Variants in WDFY4 observed in about 807,000 individuals in gnomAD.
WDFY4 encodes the protein WD repeat- and FYVE domain-containing protein 4.
A neutral mutation model predicts 351.9 loss-of-function variants in WDFY4; 169 were observed. The observed-to-expected ratio is 0.48, with a 90% CI of 0.42 to 0.55. The LOEUF is 0.55. Ranked by LOEUF, WDFY4 falls within the 20% of genes least tolerant of loss-of-function variation. The probability of loss-of-function intolerance (pLI) is 0.00; values close to 1 mark genes in which losing one functional copy is unlikely to be tolerated. For synonymous variants in WDFY4, 1,622 were observed against 1,574.6 expected (o/e 1.03, Z -0.71); for missense variants, 3,803 against 3,935.6 (o/e 0.97, Z 0.90).
chr10:48,862,806 C>A (rs1244891307), intron 39 of WDFY4, among the ~76,000 whole-genome samples: 1 of 152,184 alleles, frequency 6.6e-6, no homozygotes, highest in Admixed American at 6.5e-5. Flanking sequence ...GCCACCATCA[C>A]TGTAATCAAT....
intron 40 of WDFY4, 113 bp from the exon 41 acceptor site, chr10:48,873,378 C>G: frequency 8.2e-7 from 1 of 1,220,660 alleles, no homozygotes; most frequent in Non-Finnish European, 1.1e-6. Context: ...GAGAAGGTAT[C>G]TTTCTCAAAC....
At chr10:48,888,307 T>G (rs1015984573) in intron 43 of WDFY4, among the ~76,000 whole-genome samples, 2 of 134,266 alleles carry the variant, frequency 1.5e-5, no homozygotes, top group African/African-American at 2.8e-5. Flanking sequence ...TTTCCTTCCT[T>G]CCTTCCTTTC....
intron 38 of WDFY4, among the ~76,000 whole-genome samples, chr10:48,831,638 C>T (rs1741193395): frequency 6.6e-6 from 1 of 152,184 alleles, no homozygotes; most frequent in Admixed American, 6.5e-5. Flanking sequence ...ATTTATGCTG[C>T]TATAACAAAA....
intron 38 of WDFY4, 94 bp downstream of exon 38, chr10:48,830,979 A>AGGT: frequency 8.0e-7 from 1 of 1,249,998 alleles, no homozygotes; most frequent in Non-Finnish European, 1.1e-6. Flanking sequence ...AGCCTTTTCC[A>AGGT]CCTGGACCCT....
chr10:48,979,345 T>C (rs958547017), intron 60 of WDFY4, among the ~76,000 whole-genome samples: 1 of 152,190 alleles, frequency 6.6e-6, no homozygotes, highest in Non-Finnish European at 1.5e-5. Context: ...CTCCCTCCCA[T>C]ATCTGCTTCC....
chr10:48,923,760 G>A (rs1230231115), intron 47 of WDFY4, among the ~76,000 whole-genome samples: 1 of 151,960 alleles, frequency 6.6e-6, no homozygotes, highest in Non-Finnish European at 1.5e-5. Flanking sequence ...CACTGATTCT[G>A]GCCACCAGAT....
intron 51 of WDFY4, among the ~76,000 whole-genome samples, chr10:48,951,692 A>G (rs1366400951): frequency 1.3e-5 from 2 of 152,232 alleles, no homozygotes; most frequent in Non-Finnish European, 2.9e-5. Flanking sequence ...AAAATGTTAT[A>G]GTTCTTAGGA....
At chr10:48,977,514 G>A (rs995393339) in intron 59 of WDFY4, among the ~76,000 whole-genome samples, 6 of 152,078 alleles carry the variant, frequency 3.9e-5, no homozygotes, top group African/African-American at 1.4e-4. Flanking sequence ...TGCAGGCTGA[G>A]GTACCTAGGC....
chr10:48,923,595 T>C (rs1228967089), intron 47 of WDFY4, among the ~76,000 whole-genome samples: 2 of 151,472 alleles, frequency 1.3e-5, no homozygotes, highest in African/African-American at 4.9e-5. Flanking sequence ...TTCATTTATC[T>C]ATGGTCATTA....
In WDFY4 at chr10:48,955,717, C is replaced by A. The variant is rs145884953; in HGVS notation, c.7978-1412C>A. Among the ~76,000 whole-genome samples, 25 of 152,348 alleles carry A rather than the reference C, an allele frequency of 1.6e-4. No homozygotes were observed. The East Asian group carries it at 4.2e-3, about 26-fold the overall frequency. ...TTAGGAGAGATCATCTGAGCATGGA[C>A]CAGACATGCCAAGAGAAGGCCCCTG... On this transcript the variant is annotated intron_variant, in intron 51 of 61. Coordinates refer to ENST00000325239, the MANE Select transcript of WDFY4 (RefSeq NM_001394531.1).
chr10:48,978,284 G>T, intron 59 of WDFY4, 25 bp from the exon 60 acceptor site: 3 of 1,548,482 alleles, frequency 1.9e-6, no homozygotes, highest in South Asian at 1.2e-5. Flanking sequence ...CTTCCCCGCC[G>T]ATGACATTTG....
At chr10:48,701,241 G>A (rs78000191) in intron 1 of WDFY4, among the ~76,000 whole-genome samples, 7,739 of 152,242 alleles carry the variant, frequency 0.051, 214 homozygotes, top group Middle Eastern at 0.095. Context: ...CATCCATGTC[G>A]TAGCATGTGC....
At chr10:48,847,386 G>A (rs971156722) in intron 39 of WDFY4, among the ~76,000 whole-genome samples, 2 of 152,138 alleles carry the variant, frequency 1.3e-5, no homozygotes, top group Admixed American at 1.3e-4. Flanking sequence ...TGAATTGGGG[G>A]GAACATGGTT....
chr10:48,823,074 G>A (rs888104332), intron 35 of WDFY4: 4 of 1,220,572 alleles, frequency 3.3e-6, no homozygotes, highest in Non-Finnish European at 3.3e-6. Flanking sequence ...ATGCATACCT[G>A]TAGGGCCATC....
chr10:48,772,525 T>TA (rs1330126367), intron 13 of WDFY4, among the ~76,000 whole-genome samples: 21 of 140,430 alleles, frequency 1.5e-4, no homozygotes, highest in African/African-American at 4.7e-4. Context: ...TTCTTTTTTT[T>TA]TTTTTTTTTT....
At chr10:48,949,168 A>G (rs1841198248) in intron 51 of WDFY4, among the ~76,000 whole-genome samples, 1 of 152,306 alleles carries the variant, frequency 6.6e-6, no homozygotes, top group South Asian at 2.1e-4. Context: ...TGGGGCTCAG[A>G]TCTGTCTTGG....
intron 2 of WDFY4, among the ~76,000 whole-genome samples, chr10:48,716,947 T>G (rs1166467265): frequency 6.6e-6 from 1 of 152,252 alleles, no homozygotes; most frequent in Non-Finnish European, 1.5e-5. Flanking sequence ...TGAGTGGCAG[T>G]TGGCTTGCAG....
At chr10:48,867,776 A>G (rs890436192) in intron 40 of WDFY4, among the ~76,000 whole-genome samples, 1 of 152,228 alleles carries the variant, frequency 6.6e-6, no homozygotes, top group Non-Finnish European at 1.5e-5. Context: ...TAAGAAGTTT[A>G]TTTTTATTTG....
At chr10:48,741,203 T>C (rs979462697) in intron 11 of WDFY4, among the ~76,000 whole-genome samples, 1 of 152,162 alleles carries the variant, frequency 6.6e-6, no homozygotes, top group Non-Finnish European at 1.5e-5. Context: ...GACTGACTAC[T>C]CGCCCAGCAG....
Sources: gnomAD v4.1 joint callset for allele counts (sites outside exome capture counted in the v4.1 genomes callset) on GRCh38, gnomAD v4.1.1 for gene constraint, MANE v1.5 for transcripts, NCBI Gene and HGNC (gene_info 2026-07-23, HGNC 2026-07-21) for gene names.